The following CLPTM1L variants were observed in gnomAD, a reference collection of about 807,000 sequenced individuals.
CLPTM1L encodes the protein lipid scramblase CLPTM1L.
Under a neutral mutation model 70.9 loss-of-function variants are expected in CLPTM1L, and 38 were observed. The ratio of observed to expected loss-of-function variants is 0.54; its 90% CI spans 0.41 to 0.70. CLPTM1L has a LOEUF of 0.70. Ranked by LOEUF, CLPTM1L falls within the 30% of genes least tolerant of loss-of-function variation. CLPTM1L has a pLI of 0.00. For synonymous variants in CLPTM1L, 339 were observed against 299.9 expected (o/e 1.13, Z -1.35); for missense variants, 652 against 705.9 (o/e 0.92, Z 0.87).
In CLPTM1L at chr5:1,318,695, C is replaced by T. The variant is rs190398233; in HGVS notation, c.1533-242G>A. Among the ~76,000 whole-genome samples the T allele has an allele frequency of 1.8e-3, 281 of 152,184 alleles. No individual in the cohort carries two copies. The highest frequency in any genetic ancestry group is 6.5e-3 in the African/African-American group (269 of 41,510). On this transcript the variant is annotated intron_variant, in intron 16 of 16. Coordinates refer to ENST00000320895, the MANE Select transcript of CLPTM1L (RefSeq NM_030782.5). The surrounding 1 kb of genome is among the most constrained non-coding windows in gnomAD (Gnocchi z 8.9). ...GGAAAGGGAAGCTTGGCCGAAGGGA[C>T]GACCCGGAGGCTGCACGGGCTGCCA...
chr5:1,326,844 A>G lies in CLPTM1L; in HGVS notation c.1081-1028T>C, dbSNP rs201348077. On this transcript the variant is annotated intron_variant, in intron 9 of 16. Coordinates refer to ENST00000320895, the MANE Select transcript of CLPTM1L (RefSeq NM_030782.5). The stretch of plus-strand genomic sequence containing the variant: ...ACATTTCATCCAGCTCCTCCTCGAC[A>G]GACACATTTCATCCAGCTCCTCCTC... Among the ~76,000 whole-genome samples the G allele has an allele frequency of 3.0e-3, 441 of 148,794 alleles. 22 individuals are homozygous for G. The highest frequency in any genetic ancestry group is 0.025 in the East Asian group (118 of 4,644).
At chr5:1,329,916 C>G (rs1752970458) in intron 9 of CLPTM1L, among the ~76,000 whole-genome samples, 1 of 139,526 alleles carries the variant, frequency 7.2e-6, no homozygotes, top group Non-Finnish European at 1.5e-5. Context: ...CCTCAGGACT[C>G]TCTGCTTGGT....
intron 9 of CLPTM1L, among the ~76,000 whole-genome samples, chr5:1,327,223 A>G (rs1254308710): frequency 4.7e-5 from 6 of 127,936 alleles, no homozygotes; most frequent in African/African-American, 9.2e-5. Context: ...TCCTCTACAG[A>G]CACATTTCAT....
chr5:1,331,930 A>G (rs758035312), intron 7 of CLPTM1L, 47 bp from the exon 8 acceptor site: 5 of 1,499,232 alleles, frequency 3.3e-6, no homozygotes, highest in South Asian at 1.1e-5. Flanking sequence ...TGCTGTTTCC[A>G]TCTCCTGTGA....
chr5:1,332,229 C>A, intron 7 of CLPTM1L: 1 of 275,802 alleles, frequency 3.6e-6, no homozygotes, highest in Non-Finnish European at 7.0e-6. Context: ...AGGGCAGCCT[C>A]ATCTCTCAAC....
chr5:1,334,131 G>A (rs1166747951), intron 7 of CLPTM1L, among the ~76,000 whole-genome samples, 158 bp downstream of exon 7: 1 of 152,180 alleles, frequency 6.6e-6, no homozygotes, highest in Non-Finnish European at 1.5e-5. Flanking sequence ...TGGTCGCCTG[G>A]TGTCAGGCGT....
chr5:1,326,557 C>T (rs60631580), intron 9 of CLPTM1L: 1 of 140,986 alleles, frequency 7.1e-6, no homozygotes, highest in Non-Finnish European at 1.3e-5. Flanking sequence ...CTCCTCTAGA[C>T]ACATTCCATC....
Position 1,338,915 on chromosome 5 carries a change from T to G in CLPTM1L, c.544A>C (p.Asn182His), listed in dbSNP as rs1449627753. 6.2e-7 allele frequency: 1 copy of G among 1,613,236 alleles called. No individual in the cohort carries two copies. Among genetic ancestry groups the G allele is most frequent in the East Asian group, 2.2e-5 (1 of 44,902 alleles). ...PRLALNVMAD[N>H]FVFDGSSLPA... ...AGGGAGGACCCGTCAAAGACAAAGTTGTCCGCCATCACGTTCAGCGCCAGC... is the reference window on the plus strand; with the variant it reads ...AGGGAGGACCCGTCAAAGACAAAGTGGTCCGCCATCACGTTCAGCGCCAGC... The change falls in exon 4 of 17, where the codon AAC (asparagine) becomes CAC (histidine). Residue 182 changes from asparagine to histidine, a missense_variant. This residue lies in a region of CLPTM1L where 402 missense variants were observed against 388.2 expected (regional missense o/e 1.04). Coordinates refer to ENST00000320895, the MANE Select transcript of CLPTM1L (RefSeq NM_030782.5).
chr5:1,320,324 A>G, intron 16 of CLPTM1L: 1 of 324,084 alleles, frequency 3.1e-6, no homozygotes, highest in Non-Finnish European at 5.6e-6. Context: ...GAATAGGTAA[A>G]TAAATCGCTT....
chr5:1,326,842 A>G lies in CLPTM1L; in HGVS notation c.1081-1026T>C, dbSNP rs562359238. On this transcript the variant is annotated intron_variant, in intron 9 of 16. Coordinates refer to ENST00000320895, the MANE Select transcript of CLPTM1L (RefSeq NM_030782.5). ...GGACATTTCATCCAGCTCCTCCTCG[A>G]CAGACACATTTCATCCAGCTCCTCC... 4.0e-5 allele frequency among the ~76,000 whole-genome samples: 6 copies of G among 149,740 alleles called. No homozygotes were observed. In the South Asian group the frequency reaches 1.1e-3, roughly 27 times the overall value.
At chr5:1,326,036 C>T (rs1752514946) in intron 9 of CLPTM1L, 3 of 554,398 alleles carry the variant, frequency 5.4e-6, no homozygotes, top group Non-Finnish European at 9.6e-6. Flanking sequence ...GGCTGCACAG[C>T]CACCGCCCAG....
intron 11 of CLPTM1L, chr5:1,324,176 C>G (rs1380714105): frequency 2.3e-6 from 1 of 425,894 alleles, no homozygotes; most frequent in African/African-American, 2.0e-5. Context: ...TGGAAAGAAA[C>G]CGGAAAAAAC....
chr5:1,334,964 G>C, intron 6 of CLPTM1L, 93 bp downstream of exon 6: 1 of 863,632 alleles, frequency 1.2e-6, no homozygotes, highest in Non-Finnish European at 1.9e-6. Context: ...AGCAGGAGGC[G>C]AGGAGGCCCC....
In CLPTM1L at chr5:1,320,614, A is replaced by G; in HGVS notation, c.1532+2T>C. 1 of 1,520,484 alleles carries G rather than the reference A, an allele frequency of 6.6e-7. No individual in the cohort carries two copies. 94.2% of individuals were successfully genotyped at this position (1,520,484 alleles called of 1,614,324 possible). A position where few individuals can be genotyped will look rare whatever the true frequency, so the allele number is the denominator to read the frequency against. On this transcript the variant is annotated splice_donor_variant, in intron 16 of 16. Coordinates refer to ENST00000320895, the MANE Select transcript of CLPTM1L (RefSeq NM_030782.5). LOFTEE classifies it high-confidence loss of function. ...CGGCCGAGCATACGCAGCCGCACTC[A>G]CCACCGCTGGTACAGGTAGACCAGA...
At chr5:1,324,737 C>T (rs752297403) in intron 11 of CLPTM1L, 26 bp downstream of exon 11, 16 of 1,609,780 alleles carry the variant, frequency 9.9e-6, no homozygotes, top group African/African-American at 4.0e-5. Flanking sequence ...CTGGCATGCA[C>T]GTGCCCTGAA....
At position 1,344,918 on chromosome 5, in the gene CLPTM1L, G is replaced by T; in HGVS notation, c.-77C>A. 1.2e-6 allele frequency: 1 copy of T among 844,562 alleles called. No homozygotes were observed. The highest frequency in any genetic ancestry group is 1.4e-6 in the Non-Finnish European group (1 of 706,808). The allele number at this position is 844,562 out of a possible 1,614,324, so 52.3% of individuals were successfully genotyped here. A position where few individuals can be genotyped will look rare whatever the true frequency, so the allele number is the denominator to read the frequency against. ...CCGCCCGCCCGGCGCCCAGCCCGCC[G>T]CTCCGGGCTCCGCCGCTCACTGGAG... On this transcript the variant is annotated 5_prime_UTR_variant, in exon 1 of 17. Coordinates refer to ENST00000320895, the MANE Select transcript of CLPTM1L (RefSeq NM_030782.5).
chr5:1,338,887 G>T lies in CLPTM1L; in HGVS notation c.572C>A (p.Pro191His). Reference sequence around the variant, plus strand: ...CTTCATGTACCGATGCACATCGGCAGGCAGGGAGGACCCGTCAAAGACAAA... The same window carrying T: ...CTTCATGTACCGATGCACATCGGCATGCAGGGAGGACCCGTCAAAGACAAA... ...DNFVFDGSSLPADVHRYMKMI... is the reference protein window; with the variant it reads ...DNFVFDGSSLHADVHRYMKMI... The change falls in exon 4 of 17, where the codon CCT becomes CAT. Residue 191 changes from proline (P) to histidine (H), a missense_variant. Physicochemically the swap from Pro to His is moderately conservative, Grantham distance 77. Around this residue, in one of 3 missense-constraint regions of CLPTM1L, gnomAD observed 402 missense variants for 388.2 expected, o/e 1.04. Transcript: ENST00000320895. 6.2e-7 allele frequency: 1 copy of T among 1,613,322 alleles called. No individual in the cohort carries two copies. Among genetic ancestry groups the T allele is most frequent in the South Asian group, 1.1e-5 (1 of 91,090 alleles).
intron 5 of CLPTM1L, among the ~76,000 whole-genome samples, chr5:1,336,483 C>T (rs560662300): frequency 6.6e-6 from 1 of 152,236 alleles, no homozygotes; most frequent in African/African-American, 2.4e-5. Context: ...CAGCCTTCTG[C>T]AGCTGCCTGC....
Position 1,334,272 on chromosome 5 carries a change from C to T in CLPTM1L, c.891+17G>A, listed in dbSNP as rs778090306. On this transcript the variant is annotated intron_variant, in intron 7 of 16. Transcript: ENST00000320895. ...CCCCCCAAGTGCCTGCGGCAAGCCCCCCGGTGGATGACTCACATGGAACGC... is the reference window on the plus strand; with the variant it reads ...CCCCCCAAGTGCCTGCGGCAAGCCCTCCGGTGGATGACTCACATGGAACGC... 42 of 1,605,704 alleles carry T rather than the reference C, an allele frequency of 2.6e-5. No homozygotes were observed. In the South Asian group the frequency reaches 4.2e-4, roughly 16 times the overall value.
Sources: allele counts gnomAD v4.1 joint callset (sites outside exome capture counted in the v4.1 genomes callset), GRCh38; gene constraint gnomAD v4.1.1; regional missense constraint gnomAD v4.1.1; non-coding constraint Gnocchi (gnomAD v3.1); transcripts MANE v1.5; gene names NCBI Gene and HGNC (gene_info 2026-07-23, HGNC 2026-07-21).